Variants in CDK12 observed in about 807,000 individuals in gnomAD.
CDK12 encodes cyclin-dependent kinase 12.
A neutral mutation model predicts 133.8 loss-of-function variants in CDK12; 17 were observed. The observed-to-expected ratio is 0.13, with a 90% CI of 0.09 to 0.19. The LOEUF is 0.19. Among genes scored for constraint, CDK12 ranks in the 10% least tolerant of loss-of-function variants. The pLI, the probability that CDK12 is intolerant of heterozygous loss-of-function variation, is 1.00. For synonymous variants in CDK12, 694 were observed against 683.6 expected (o/e 1.02, Z -0.24); for missense variants, 1,508 against 1,818.7 (o/e 0.83, Z 3.11).
intron 1 of CDK12, among the ~76,000 whole-genome samples, chr17:39,466,615 G>GAAAAAAAAAAAAAAAAAAAAA: frequency 3.2e-5 from 1 of 31,482 alleles, no homozygotes. Context: ...AACTCTATCT[G>GAAAAAAAAAAAAAAAAAAAAA]AAAAAAAAAA....
intron 2 of CDK12, among the ~76,000 whole-genome samples, chr17:39,482,348 C>T (rs1049402926): frequency 2.0e-5 from 3 of 151,856 alleles, no homozygotes; most frequent in South Asian, 2.1e-4. Flanking sequence ...TCATTTGGAG[C>T]GTACTGAACT....
Position 39,532,944 on chromosome 17 carries a change from CTT to C in CDK12, c.*1631_*1632del, listed in dbSNP as rs1177838013. On this transcript the variant is annotated 3_prime_UTR_variant, in exon 14 of 14. Transcript: ENST00000447079. ...CTTCAGGAAACATAGGTTAAGCCCC[CTT>C]TTACAAAGAAAAAGTAAACATACTT... is the stretch of plus-strand genomic sequence containing the variant. 2.1e-5 allele frequency: 5 copies of C among 232,802 alleles called. No homozygotes were observed. Among genetic ancestry groups the C allele is most frequent in the Non-Finnish European group, 4.2e-5 (5 of 117,844 alleles). The allele number at this position is 232,802 out of a possible 1,614,324, so 14.4% of individuals were successfully genotyped here.
intron 2 of CDK12, among the ~76,000 whole-genome samples, chr17:39,484,231 A>C (rs1338585783): frequency 2.0e-5 from 3 of 152,200 alleles, no homozygotes; most frequent in Admixed American, 1.3e-4. Flanking sequence ...TACTATTCAT[A>C]TTCTAAAAGT....
At chr17:39,544,779 C>T (rs978858686), upstream of CDK12, among the ~76,000 whole-genome samples, 4 of 151,962 alleles carry the variant, frequency 2.6e-5, no homozygotes, top group African/African-American at 9.7e-5. Context: ...TACAGGCATG[C>T]ACCACCACAC....
intron 3 of CDK12, among the ~76,000 whole-genome samples, chr17:39,560,445 T>G (rs1280574207): frequency 6.6e-6 from 1 of 152,250 alleles, no homozygotes; most frequent in Non-Finnish European, 1.5e-5. Context: ...ATGGCACTAC[T>G]ATTATCTCCA....
At position 39,515,806 on chromosome 17, in the gene CDK12, C is replaced by G. The variant is rs1489040904; in HGVS notation, c.2844C>G (p.Ile948Met). 1.2e-6 allele frequency: 2 copies of G among 1,609,416 alleles called. No homozygotes were observed. Among genetic ancestry groups the G allele is most frequent in the Non-Finnish European group, 1.7e-6 (2 of 1,176,612 alleles). The change falls in exon 9 of 14, where the codon ATC (isoleucine) becomes ATG (methionine). Residue 948 changes from isoleucine to methionine, a missense_variant and splice_region_variant. Ile to Met is a conservative substitution (Grantham distance 10, BLOSUM62 1). Around this residue, in one of 9 missense-constraint regions of CDK12, gnomAD observed 82 missense variants for 201.5 expected, o/e 0.41. Transcript: ENST00000447079. Reference sequence around the variant, plus strand: ...TGGAACTGGCTCAGCTAGAACTGATCAGGTACAGCTGTACATGTGCTCTTG... The same window carrying G: ...TGGAACTGGCTCAGCTAGAACTGATGAGGTACAGCTGTACATGTGCTCTTG... ...ANLELAQLEL[I>M]SRLCGSPCPA...
At chr17:39,499,510 CTT>C (rs11386819) in intron 5 of CDK12, among the ~76,000 whole-genome samples, 1 of 131,300 alleles carries the variant, frequency 7.6e-6, no homozygotes, top group South Asian at 2.4e-4. Context: ...CGCCCAGCCT[CTT>C]TTTTTTTTTT....
intron 1 of CDK12, among the ~76,000 whole-genome samples, chr17:39,464,733 A>G (rs2049174049): frequency 6.6e-6 from 1 of 151,992 alleles, no homozygotes; most frequent in Non-Finnish European, 1.5e-5. Flanking sequence ...AAGATTCTAC[A>G]ATAAATATTT....
chr17:39,565,757 A>G (rs193070945), downstream of CDK12, among the ~76,000 whole-genome samples: 9 of 152,262 alleles, frequency 5.9e-5, no homozygotes, highest in African/African-American at 1.9e-4. Context: ...TCTATCTGTA[A>G]GCAGCCTGTT....
At chr17:39,493,173 T>G (rs2051782926) in intron 4 of CDK12, among the ~76,000 whole-genome samples, 1 of 150,604 alleles carries the variant, frequency 6.6e-6, no homozygotes, top group African/African-American at 2.4e-5. Flanking sequence ...TTTGTTTTTT[T>G]TTTTTTTTTA....
At chr17:39,484,998 G>A (rs35132401) in intron 2 of CDK12, among the ~76,000 whole-genome samples, 8,077 of 151,838 alleles carry the variant, frequency 0.053, 691 homozygotes, top group African/African-American at 0.18. Flanking sequence ...GTGAAACCCC[G>A]TCTCTACTAA....
intron 2 of CDK12, among the ~76,000 whole-genome samples, chr17:39,474,101 T>C (rs760992144): frequency 1.3e-5 from 2 of 152,158 alleles, no homozygotes; most frequent in Non-Finnish European, 2.9e-5. Flanking sequence ...CAGGACTAAC[T>C]AGGCAAGTAC....
intron 2 of CDK12, among the ~76,000 whole-genome samples, chr17:39,476,513 A>G (rs1469855858): frequency 1.3e-5 from 2 of 151,700 alleles, no homozygotes; most frequent in Non-Finnish European, 2.9e-5. Flanking sequence ...TCCCGGGTTC[A>G]AGCAATTCTC....
intron 11 of CDK12, among the ~76,000 whole-genome samples, chr17:39,522,913 TGTG>T (rs1199597416): frequency 6.6e-6 from 1 of 150,614 alleles, no homozygotes; most frequent in Non-Finnish European, 1.5e-5. Flanking sequence ...ATTAACCAGG[TGTG>T]GTGGTGTATG....
At chr17:39,519,823 C>G (rs1567772579) in intron 10 of CDK12, 133 bp from the exon 11 acceptor site, 1 of 799,282 alleles carries the variant, frequency 1.3e-6, no homozygotes, top group African/African-American at 1.7e-5. Flanking sequence ...TCTCAAACTT[C>G]TGGCCTCACG....
chr17:39,497,985 T>C (rs1567734535), intron 5 of CDK12, among the ~76,000 whole-genome samples: 1 of 148,760 alleles, frequency 6.7e-6, no homozygotes, highest in East Asian at 2.0e-4. Context: ...CCCTCTCTCT[T>C]TCTCTCTCTC....
chr17:39,545,865 G>A (rs1389793881), upstream of CDK12, among the ~76,000 whole-genome samples: 2 of 142,858 alleles, frequency 1.4e-5, no homozygotes, highest in East Asian at 2.1e-4. Context: ...GCACGATCTC[G>A]GCTCACTGCA....
At position 39,471,773 on chromosome 17, in the gene CDK12, A is replaced by T; in HGVS notation, c.1931+10A>T. The stretch of plus-strand genomic sequence containing the variant: ...ATGATGACATGGATAGGTAAGTCCT[A>T]TAGTGAACTGGAAAAAACCCCCTTG... On this transcript the variant is annotated intron_variant, in intron 2 of 13. Transcript: ENST00000447079. 1 of 1,587,228 alleles carries T rather than the reference A, an allele frequency of 6.3e-7. No homozygotes were observed. Among genetic ancestry groups the T allele is most frequent in the Non-Finnish European group, 8.6e-7 (1 of 1,165,662 alleles).
downstream of CDK12, among the ~76,000 whole-genome samples, chr17:39,565,849 C>A (rs140479502): frequency 6.6e-6 from 1 of 152,310 alleles, no homozygotes; most frequent in East Asian, 1.9e-4. Context: ...GGTCTGGGTA[C>A]TTCCCCATTT....
Sources: gnomAD v4.1 joint callset for allele counts (sites outside exome capture counted in the v4.1 genomes callset) on GRCh38, gnomAD v4.1.1 for gene constraint, gnomAD v4.1.1 regional missense constraint, MANE v1.5 for transcripts, NCBI Gene and HGNC (gene_info 2026-07-23, HGNC 2026-07-21) for gene names.